The following NALCN variants were observed in gnomAD, a reference collection of about 807,000 sequenced individuals.
The protein encoded by NALCN is sodium leak channel NALCN.
Under a neutral mutation model 225.3 loss-of-function variants are expected in NALCN, and 111 were observed. The observed-to-expected ratio is 0.49, with a 90% CI of 0.42 to 0.58. NALCN has a LOEUF of 0.58. Ranked by LOEUF, NALCN falls within the 20% of genes least tolerant of loss-of-function variation. The pLI, the probability that NALCN is intolerant of heterozygous loss-of-function variation, is 0.00. For missense variants in NALCN, 1,378 were observed against 2,202.4 expected (o/e 0.63, Z 7.49); for synonymous variants, 764 against 769.0 (o/e 0.99, Z 0.11).
At chr13:101,346,163 C>A (rs1408121300) in intron 6 of NALCN, among the ~76,000 whole-genome samples, 1 of 144,458 alleles carries the variant, frequency 6.9e-6, no homozygotes, top group Non-Finnish European at 1.5e-5. Context: ...TTTTAAGATT[C>A]ATAATCCATA....
intron 43 of NALCN, 55 bp from the exon 44 acceptor site, chr13:101,055,543 T>A (rs1376231206): frequency 6.7e-6 from 10 of 1,503,406 alleles, no homozygotes; most frequent in Non-Finnish European, 9.1e-6. Context: ...CCTATTGTAA[T>A]CACTCCTAAA....
chr13:101,094,747 C>A (rs1427518389), intron 28 of NALCN, among the ~76,000 whole-genome samples: 1 of 152,034 alleles, frequency 6.6e-6, no homozygotes, highest in Non-Finnish European at 1.5e-5. Context: ...GAGAAAAATG[C>A]CAAAGAGAGG....
At chr13:101,091,712 A>C (rs2034244199) in intron 28 of NALCN, among the ~76,000 whole-genome samples, 1 of 152,074 alleles carries the variant, frequency 6.6e-6, no homozygotes, top group Non-Finnish European at 1.5e-5. Flanking sequence ...TTGCTTGAAT[A>C]AGGATTTTTT....
chr13:101,310,819 A>G (rs2044316008), intron 7 of NALCN, among the ~76,000 whole-genome samples: 1 of 152,268 alleles, frequency 6.6e-6, no homozygotes, highest in African/African-American at 2.4e-5. Context: ...TGATAGAAAA[A>G]TAGTAAAGAA....
chr13:101,096,812 A>G (rs143259491), intron 27 of NALCN, among the ~76,000 whole-genome samples: 1 of 152,120 alleles, frequency 6.6e-6, no homozygotes, highest in Non-Finnish European at 1.5e-5. Context: ...CCCTTTGGTT[A>G]TTTTTGTTTC....
At chr13:101,179,146 T>C (rs1387843970) in intron 14 of NALCN, among the ~76,000 whole-genome samples, 1 of 152,194 alleles carries the variant, frequency 6.6e-6, no homozygotes, top group Non-Finnish European at 1.5e-5. Context: ...TGTTTATCAC[T>C]GAATTAAGCA....
At chr13:101,355,828 A>C (rs1321503367) in intron 6 of NALCN, among the ~76,000 whole-genome samples, 1 of 152,222 alleles carries the variant, frequency 6.6e-6, no homozygotes, top group Non-Finnish European at 1.5e-5. Flanking sequence ...ATGCAAAAGA[A>C]CTGAACTCAT....
chr13:101,357,186 G>C (rs2046089669), intron 6 of NALCN, among the ~76,000 whole-genome samples: 1 of 152,122 alleles, frequency 6.6e-6, no homozygotes, highest in Non-Finnish European at 1.5e-5. Flanking sequence ...GTTCTGGCCA[G>C]AGCAATCAGT....
chr13:101,376,855 C>T, intron 5 of NALCN, 27 bp from the exon 6 acceptor site: 2 of 1,612,816 alleles, frequency 1.2e-6, no homozygotes, highest in Non-Finnish European at 1.7e-6. Context: ...AGGTAAAGTA[C>T]ATAAAACTTA....
chr13:101,291,845 T>C, intron 9 of NALCN, 145 bp downstream of exon 9: 1 of 787,056 alleles, frequency 1.3e-6, no homozygotes, highest in South Asian at 1.7e-5. Flanking sequence ...CCACTGTGCC[T>C]GACTGGCAAC....
At chr13:101,171,174 T>C (rs183524140) in intron 15 of NALCN, among the ~76,000 whole-genome samples, 379 of 151,686 alleles carry the variant, frequency 2.5e-3, no homozygotes, top group African/African-American at 8.8e-3. Flanking sequence ...AGAAACAATG[T>C]TTTATATATA....
chr13:101,325,770 T>C (rs994866992), intron 7 of NALCN, among the ~76,000 whole-genome samples: 5 of 152,214 alleles, frequency 3.3e-5, no homozygotes, highest in Non-Finnish European at 5.9e-5. Flanking sequence ...GGAGACAAGA[T>C]GGTAAGAATA....
intron 1 of NALCN, among the ~76,000 whole-genome samples, chr13:101,414,031 G>A (rs2047861714): frequency 6.8e-6 from 1 of 148,022 alleles, no homozygotes; most frequent in Non-Finnish European, 1.5e-5. Context: ...GGCTACAGGT[G>A]TACACCACTA....
intron 6 of NALCN, among the ~76,000 whole-genome samples, chr13:101,356,257 G>C (rs1657941409): frequency 6.6e-6 from 1 of 152,162 alleles, no homozygotes; most frequent in Admixed American, 6.5e-5. Flanking sequence ...GAATTCAGGA[G>C]CTAATTTTTG....
intron 7 of NALCN, among the ~76,000 whole-genome samples, chr13:101,297,559 G>A (rs142132597): frequency 3.5e-4 from 54 of 152,322 alleles, no homozygotes; most frequent in African/African-American, 1.2e-3. Context: ...GTATGCTAGA[G>A]CCCATTCACT....
chr13:101,339,230 C>T (rs2045480671), intron 7 of NALCN, among the ~76,000 whole-genome samples: 1 of 152,190 alleles, frequency 6.6e-6, no homozygotes, highest in African/African-American at 2.4e-5. Flanking sequence ...ATCCCCAAAC[C>T]TTACCACTGT....
At chr13:101,338,632 G>A (rs2045460674) in intron 7 of NALCN, among the ~76,000 whole-genome samples, 1 of 152,048 alleles carries the variant, frequency 6.6e-6, no homozygotes, top group Admixed American at 6.5e-5. Flanking sequence ...TTTTTGCTGT[G>A]ATTTATTTCG....
At chr13:101,321,531 A>C (rs752876268) in intron 7 of NALCN, among the ~76,000 whole-genome samples, 10 of 152,154 alleles carry the variant, frequency 6.6e-5, no homozygotes, top group Non-Finnish European at 1.2e-4. Flanking sequence ...ATTAAAAATT[A>C]AAAATGTGCA....
At chr13:101,090,211 T>C (rs1198275221) in intron 28 of NALCN, among the ~76,000 whole-genome samples, 1 of 152,160 alleles carries the variant, frequency 6.6e-6, no homozygotes, top group Non-Finnish European at 1.5e-5. Context: ...TGTGTTATAA[T>C]TGATTGTGTT....
Sources: gnomAD v4.1 joint callset for allele counts (sites outside exome capture counted in the v4.1 genomes callset) on GRCh38, gnomAD v4.1.1 for gene constraint, MANE v1.5 for transcripts, NCBI Gene and HGNC (gene_info 2026-07-23, HGNC 2026-07-21) for gene names.